ULK4: variants seen among roughly 807,000 people sequenced by gnomAD.
The protein encoded by ULK4 is unc-51 like kinase 4.
A neutral mutation model predicts 160.6 loss-of-function variants in ULK4; 133 were observed. The observed-to-expected ratio is 0.83, with a 90% CI of 0.72 to 0.96. The LOEUF (loss-of-function observed/expected upper bound fraction) is 0.96, where lower values mean the gene tolerates loss of function less well. Among genes scored for constraint, ULK4 ranks in the 40% least tolerant of loss-of-function variants. The pLI, the probability that ULK4 is intolerant of heterozygous loss-of-function variation, is 0.00. For synonymous variants in ULK4, 534 were observed against 539.8 expected (o/e 0.99, Z 0.15); for missense variants, 1,580 against 1,499.5 (o/e 1.05, Z -0.89).
chr3:41,447,182 C>T (rs2083317531), intron 34 of ULK4, among the ~76,000 whole-genome samples: 1 of 151,284 alleles, frequency 6.6e-6, no homozygotes, highest in Non-Finnish European at 1.5e-5. Context: ...CACAGTTCCA[C>T]ATTCAATTCT....
Position 41,421,349 on chromosome 3 carries a change from T to A in ULK4, c.3493-23085A>T, listed in dbSNP as rs2082660074. On this transcript the variant is annotated intron_variant, in intron 34 of 36. Coordinates refer to ENST00000301831, the MANE Select transcript of ULK4 (RefSeq NM_017886.4). Reference sequence around the variant, plus strand: ...CTGCACCCTCCCCAACACTGTTGACTAGTAGTGGCATTCTTCTCTTGCAAT... The same window carrying A: ...CTGCACCCTCCCCAACACTGTTGACAAGTAGTGGCATTCTTCTCTTGCAAT... Among the ~76,000 whole-genome samples, 3 of 152,222 alleles carry A rather than the reference T, an allele frequency of 2.0e-5. No homozygotes were observed. In the South Asian group the frequency reaches 6.2e-4, roughly 31 times the overall value.
chr3:41,274,893 A>G (rs559308767), intron 35 of ULK4, among the ~76,000 whole-genome samples: 1 of 152,264 alleles, frequency 6.6e-6, no homozygotes, highest in South Asian at 2.1e-4. Context: ...GATTATGAGA[A>G]AAGATGCCTC....
At chr3:41,332,536 C>T (rs985840339) in intron 35 of ULK4, among the ~76,000 whole-genome samples, 3 of 152,076 alleles carry the variant, frequency 2.0e-5, no homozygotes, top group African/African-American at 7.2e-5. Flanking sequence ...GAGCAGATGG[C>T]GTGGCAGGCA....
intron 17 of ULK4, among the ~76,000 whole-genome samples, chr3:41,850,374 G>A (rs1157255817): frequency 6.6e-6 from 1 of 152,106 alleles, no homozygotes; most frequent in Non-Finnish European, 1.5e-5. Flanking sequence ...CTAGATCTCT[G>A]AGGAATCGCC....
chr3:41,695,797 T>G (rs2036474300), intron 27 of ULK4, among the ~76,000 whole-genome samples: 1 of 152,152 alleles, frequency 6.6e-6, no homozygotes, highest in Non-Finnish European at 1.5e-5. Flanking sequence ...TGATTACGTA[T>G]GAATACCATT....
Position 41,773,287 on chromosome 3 carries a change from G to C in ULK4, c.2193+16374C>G, listed in dbSNP as rs553012835. Among the ~76,000 whole-genome samples, 3 of 152,322 alleles carry C rather than the reference G, an allele frequency of 2.0e-5. No homozygotes were observed. The South Asian group carries it at 6.2e-4, about 32-fold the overall frequency. On this transcript the variant is annotated intron_variant, in intron 21 of 36. Coordinates refer to ENST00000301831, the MANE Select transcript of ULK4 (RefSeq NM_017886.4). The stretch of plus-strand genomic sequence containing the variant: ...GAAAAGAGGAAGTCAAATTGTCCCT[G>C]TTTGCAGATGACTTGACTGTATATC...
intron 5 of ULK4, among the ~76,000 whole-genome samples, chr3:41,926,949 C>T (rs1288362902): frequency 1.3e-5 from 2 of 152,064 alleles, no homozygotes; most frequent in African/African-American, 4.8e-5. Context: ...GGAGAACTTC[C>T]CCAACCTAGC....
chr3:41,341,181 C>T (rs565635576), intron 35 of ULK4, among the ~76,000 whole-genome samples: 1 of 152,344 alleles, frequency 6.6e-6, no homozygotes, highest in South Asian at 2.1e-4. Flanking sequence ...GTCCACTAAA[C>T]ACTGCAGCTA....
intron 31 of ULK4, among the ~76,000 whole-genome samples, chr3:41,585,763 C>T (rs896330320): frequency 6.6e-6 from 1 of 152,056 alleles, no homozygotes; most frequent in Non-Finnish European, 1.5e-5. Context: ...TTGTGCAAAT[C>T]GTACTTCTGA....
chr3:41,433,810 T>C (rs375281992), intron 34 of ULK4, among the ~76,000 whole-genome samples: 24 of 152,222 alleles, frequency 1.6e-4, no homozygotes, highest in Admixed American at 1.6e-3. Flanking sequence ...ACCTCCGCCT[T>C]CCGGGTTCAC....
At chr3:41,357,734 T>A (rs2081055632) in intron 35 of ULK4, among the ~76,000 whole-genome samples, 1 of 152,204 alleles carries the variant, frequency 6.6e-6, no homozygotes, top group African/African-American at 2.4e-5. Flanking sequence ...AATCTGATGC[T>A]GTCCCCTCCC....
At chr3:41,388,470 A>AT (rs1281403491) in intron 35 of ULK4, among the ~76,000 whole-genome samples, 7 of 152,016 alleles carry the variant, frequency 4.6e-5, no homozygotes, top group African/African-American at 1.5e-4. Flanking sequence ...CCTGAATGGT[A>AT]TTGCCTAGGT....
At chr3:41,347,632 C>G (rs565698273) in intron 35 of ULK4, among the ~76,000 whole-genome samples, 1 of 152,202 alleles carries the variant, frequency 6.6e-6, no homozygotes, top group African/African-American at 2.4e-5. Context: ...CTCTTCCTGC[C>G]ACATCTGCAT....
chr3:41,256,837 T>C (rs1474176746), intron 35 of ULK4, among the ~76,000 whole-genome samples: 2 of 152,214 alleles, frequency 1.3e-5, no homozygotes, highest in African/African-American at 2.4e-5. Context: ...AGGACTTATA[T>C]CAAGAACATA....
chr3:41,654,893 G>C (rs764330572), intron 30 of ULK4, among the ~76,000 whole-genome samples: 10 of 152,218 alleles, frequency 6.6e-5, no homozygotes, highest in Non-Finnish European at 1.3e-4. Flanking sequence ...CCATGTATGA[G>C]TGATCCTAAA....
At chr3:41,682,456 T>C (rs2035954634) in intron 27 of ULK4, among the ~76,000 whole-genome samples, 1 of 152,250 alleles carries the variant, frequency 6.6e-6, no homozygotes, top group South Asian at 2.1e-4. Flanking sequence ...ACTATTTTAG[T>C]GACAATAAAC....
At chr3:41,897,113 T>C in intron 14 of ULK4, 110 bp from the exon 15 acceptor site, 4 of 1,010,158 alleles carry the variant, frequency 4.0e-6, no homozygotes, top group Non-Finnish European at 4.2e-6. Flanking sequence ...AGGACAAACA[T>C]TACACTGTCA....
chr3:41,725,947 A>G (rs1222032071), intron 22 of ULK4, among the ~76,000 whole-genome samples: 2 of 152,216 alleles, frequency 1.3e-5, no homozygotes, highest in African/African-American at 4.8e-5. Context: ...GAAATCCTCT[A>G]TATCAGTAAC....
intron 34 of ULK4, among the ~76,000 whole-genome samples, chr3:41,410,293 T>C (rs532478103): frequency 2.6e-5 from 4 of 152,194 alleles, no homozygotes; most frequent in Non-Finnish European, 5.9e-5. Context: ...CATCAACTGA[T>C]GAATGGATAC....
Sources: allele counts gnomAD v4.1 joint callset (sites outside exome capture counted in the v4.1 genomes callset), GRCh38; gene constraint gnomAD v4.1.1; transcripts MANE v1.5; gene names NCBI Gene and HGNC (gene_info 2026-07-23, HGNC 2026-07-21).